CACNA1B: variants seen among roughly 807,000 people sequenced by gnomAD.
The protein encoded by CACNA1B is voltage-dependent N-type calcium channel subunit alpha-1B.
Under a neutral mutation model 247.2 loss-of-function variants are expected in CACNA1B, and 70 were observed. The observed-to-expected ratio is 0.28, with a 90% CI of 0.23 to 0.35. The LOEUF (loss-of-function observed/expected upper bound fraction) is 0.35, where lower values mean the gene tolerates loss of function less well. Among genes scored for constraint, CACNA1B ranks in the 10% least tolerant of loss-of-function variants. CACNA1B has a pLI of 1.00. For missense variants in CACNA1B, 2,367 were observed against 3,197.4 expected, an observed-to-expected ratio of 0.74 and a Z score of 6.26; for synonymous variants, 1,231 against 1,294.4, an observed-to-expected ratio of 0.95 and a Z score of 1.05.
chr9:137,941,710 G>A (rs1476996185), intron 6 of CACNA1B, among the ~76,000 whole-genome samples: 1 of 151,814 alleles, frequency 6.6e-6, no homozygotes, highest in Non-Finnish European at 1.5e-5. Context: ...CTTACAGCAA[G>A]CAAAAAGATA....
intron 36 of CACNA1B, among the ~76,000 whole-genome samples, chr9:138,095,368 T>C (rs1961021344): frequency 1.3e-5 from 2 of 152,332 alleles, no homozygotes; most frequent in African/African-American, 2.4e-5. Flanking sequence ...ATTCAACATC[T>C]TTGGTCATCA....
rs1292244786 is a variant in CACNA1B at position 138,059,808 on chromosome 9, C to T, written c.4668+71C>T. 2.3e-6 allele frequency: 2 copies of T among 857,368 alleles called. No individual in the cohort carries two copies. The highest frequency in any genetic ancestry group is 1.7e-5 in the African/African-American group (1 of 59,960). The allele number at this position is 857,368 out of a possible 1,614,324, so 53.1% of individuals were successfully genotyped here. On this transcript the variant is annotated intron_variant, in intron 31 of 46. Coordinates refer to ENST00000371372, the MANE Select transcript of CACNA1B (RefSeq NM_000718.4). This position sits in a 1 kb window ranked among gnomAD's most constrained non-coding sequence, Gnocchi z 4.2. ...CTTCTAGAGCCTGCTCCCCTCAGTG[C>T]ATCTCCAGGCCCTGTGTTAGCCTCT...
intron 10 of CACNA1B, among the ~76,000 whole-genome samples, chr9:137,969,175 G>C (rs1958116051): frequency 6.6e-6 from 1 of 152,238 alleles, no homozygotes; most frequent in South Asian, 2.1e-4. Flanking sequence ...GCTGCACCCA[G>C]CTCTCCCCCA....
At chr9:138,114,884 G>A (rs1345055065) in intron 41 of CACNA1B, among the ~76,000 whole-genome samples, 3 of 152,158 alleles carry the variant, frequency 2.0e-5, no homozygotes, top group Non-Finnish European at 4.4e-5. Flanking sequence ...GATAGGTACA[G>A]GATCATTGTC....
rs142381062 is a variant in CACNA1B, at chr9:137,915,511, G to C, written c.775+705G>C. Among the ~76,000 whole-genome samples, 46 of 152,256 alleles carry C rather than the reference G, an allele frequency of 3.0e-4. No homozygotes were observed. In the East Asian group the frequency reaches 8.7e-3, roughly 29 times the overall value. Reference sequence around the variant, plus strand: ...AGAGTTAAGGATGAAGCTAAGGTTTGTGGCTTGAACTACAAACTTAGTAAA... The same window carrying C: ...AGAGTTAAGGATGAAGCTAAGGTTTCTGGCTTGAACTACAAACTTAGTAAA... On this transcript the variant is annotated intron_variant, in intron 5 of 46. Transcript: ENST00000371372.
Position 138,057,667 on chromosome 9 carries a change from T to C in CACNA1B, c.3969-65T>C. 6.6e-7 allele frequency: 1 copy of C among 1,517,126 alleles called. No individual in the cohort carries two copies. Among genetic ancestry groups the C allele is most frequent in the Non-Finnish European group, 9.0e-7 (1 of 1,111,272 alleles). 94.0% of individuals were successfully genotyped at this position (1,517,126 alleles called of 1,614,324 possible). A position where few individuals can be genotyped will look rare whatever the true frequency, so the allele number is the denominator to read the frequency against. ...TCCCCACGGAATGGTTTCAACACTCTTGATAGGTGGGTTTATTTGGATCTT... is the reference window on the plus strand; with the variant it reads ...TCCCCACGGAATGGTTTCAACACTCCTGATAGGTGGGTTTATTTGGATCTT... On this transcript the variant is annotated intron_variant, in intron 26 of 46. Transcript: ENST00000371372. The surrounding 1 kb of genome is among the most constrained non-coding windows in gnomAD (Gnocchi z 4.0).
At chr9:137,923,791 A>C (rs181952962) in intron 6 of CACNA1B, among the ~76,000 whole-genome samples, 38 of 152,310 alleles carry the variant, frequency 2.5e-4, no homozygotes, top group Admixed American at 2.4e-3. Flanking sequence ...GTTTTTGTGC[A>C]TTCTGGCCAG....
rs769317532 is a variant in CACNA1B, at chr9:138,078,140, A to T, written c.4976A>T (p.Glu1659Val). ...FRSATGEAWH[E>V]IMLSCLSNQA... Reference sequence around the variant, plus strand: ...AGCGCCACGGGGGAGGCCTGGCACGAGATCATGCTGTCCTGCCTGAGCAAC... The same window carrying T: ...AGCGCCACGGGGGAGGCCTGGCACGTGATCATGCTGTCCTGCCTGAGCAAC... Residue 1659 changes from glutamate (E) to valine (V), a missense_variant, in exon 36 of 47, where the codon GAG (glutamate) becomes GTG (valine). Around this residue, in one of 12 missense-constraint regions of CACNA1B, gnomAD observed 436 missense variants for 679.5 expected, o/e 0.64. Transcript: ENST00000371372. The T allele has an allele frequency of 6.2e-6, 10 of 1,613,908 alleles. No individual in the cohort carries two copies. The highest frequency in any genetic ancestry group is 8.5e-6 in the Non-Finnish European group (10 of 1,179,846).
At chr9:138,034,133 G>A (rs1449024172) in intron 20 of CACNA1B, among the ~76,000 whole-genome samples, 1 of 152,168 alleles carries the variant, frequency 6.6e-6, no homozygotes, top group African/African-American at 2.4e-5. Flanking sequence ...GGCTGGCCTT[G>A]ACACAGTGGA....
In CACNA1B at chr9:138,096,576, C is replaced by T. The variant is rs1421067573; in HGVS notation, c.5187C>T (p.Phe1729=). 2 of 1,613,100 alleles carry T rather than the reference C, an allele frequency of 1.2e-6. No individual in the cohort carries two copies. Among genetic ancestry groups the T allele is most frequent in the East Asian group, 4.5e-5 (2 of 44,836 alleles). Residue 1729 remains phenylalanine (F), a synonymous_variant, in exon 37 of 47, where the codon TTC becomes TTT. Coordinates refer to ENST00000371372, the MANE Select transcript of CACNA1B (RefSeq NM_000718.4). The stretch of plus-strand genomic sequence containing the variant: ...TAGGTCCTCACCACTTGGATGAGTT[C>T]ATCCGGGTCTGGGCTGAATACGACC... ...SILGPHHLDE[F]IRVWAEYDPA...
intron 3 of CACNA1B, among the ~76,000 whole-genome samples, chr9:137,903,481 G>A (rs1215717441): frequency 2.0e-5 from 3 of 152,184 alleles, no homozygotes; most frequent in Admixed American, 6.5e-5. Context: ...CTGTGGTCTC[G>A]TTGTGTAGCT....
rs1445255490 is a variant in CACNA1B at position 138,105,700 on chromosome 9, G to A, written c.5321G>A (p.Arg1774His). The change falls in exon 39 of 47, where the codon CGC becomes CAC. Residue 1774 changes from arginine to histidine, a missense_variant and splice_region_variant. Arg to His is a conservative substitution (Grantham distance 29). This residue lies in a region of CACNA1B where 55 missense variants were observed against 107.8 expected (regional missense o/e 0.51). Coordinates refer to ENST00000371372, the MANE Select transcript of CACNA1B (RefSeq NM_000718.4). ...CTGACCGGCCCTGCTTGTCCCTAGCGCCTGGTTCGCATGAACATGCCCATC... is the reference window on the plus strand; with the variant it reads ...CTGACCGGCCCTGCTTGTCCCTAGCACCTGGTTCGCATGAACATGCCCATC... Reference protein sequence around the residue: ...KKCPARVAYKRLVRMNMPISN... With the variant: ...KKCPARVAYKHLVRMNMPISN... 5 of 1,543,096 alleles carry A rather than the reference G, an allele frequency of 3.2e-6. No individual in the cohort carries two copies. Among genetic ancestry groups the A allele is most frequent in the Non-Finnish European group, 4.4e-6 (5 of 1,140,082 alleles).
intron 36 of CACNA1B, among the ~76,000 whole-genome samples, chr9:138,095,064 A>G (rs1165539922): frequency 6.6e-6 from 1 of 152,228 alleles, no homozygotes; most frequent in Admixed American, 6.5e-5. Flanking sequence ...ATGGATTCTT[A>G]GATTTGACAC....
At chr9:138,017,748 C>T (rs536220485) in intron 18 of CACNA1B, among the ~76,000 whole-genome samples, 6 of 152,348 alleles carry the variant, frequency 3.9e-5, no homozygotes, top group East Asian at 1.9e-4. Context: ...GGCAGAGACA[C>T]GGAAACTCCA....
intron 6 of CACNA1B, among the ~76,000 whole-genome samples, chr9:137,926,147 G>T (rs572449852): frequency 7.2e-4 from 100 of 139,524 alleles, no homozygotes; most frequent in Non-Finnish European, 1.4e-3. Flanking sequence ...TGGCTCACTT[G>T]CAAGCTCTGC....
chr9:138,074,169 C>T (rs1960230588), intron 34 of CACNA1B, 103 bp downstream of exon 34: 1 of 839,392 alleles, frequency 1.2e-6, no homozygotes, highest in Non-Finnish European at 2.1e-6. Flanking sequence ...ATCAGTTGAT[C>T]CTTAGTGAAC....
intron 37 of CACNA1B, among the ~76,000 whole-genome samples, chr9:138,101,653 A>G (rs545835223): frequency 6.6e-6 from 1 of 152,336 alleles, no homozygotes; most frequent in East Asian, 1.9e-4. Flanking sequence ...GGGGGAGGAA[A>G]GGGCAGAGGC....
chr9:138,068,135 C>T (rs1959992690), intron 31 of CACNA1B, among the ~76,000 whole-genome samples: 1 of 152,134 alleles, frequency 6.6e-6, no homozygotes. Flanking sequence ...GCAGCCTGAT[C>T]CCACAACAAA....
intron 3 of CACNA1B, among the ~76,000 whole-genome samples, chr9:137,906,631 G>A (rs1957302793): frequency 6.6e-6 from 1 of 152,018 alleles, no homozygotes; most frequent in South Asian, 2.1e-4. Context: ...TCCCCTGTAT[G>A]CCCATGTGAT....
Sources: allele counts gnomAD v4.1 joint callset (sites outside exome capture counted in the v4.1 genomes callset), GRCh38; gene constraint gnomAD v4.1.1; regional missense constraint gnomAD v4.1.1; non-coding constraint Gnocchi (gnomAD v3.1); transcripts MANE v1.5; gene names NCBI Gene and HGNC (gene_info 2026-07-23, HGNC 2026-07-21).